FYB1: variants seen among roughly 807,000 people sequenced by gnomAD.
The protein encoded by FYB1 is FYN-binding protein 1.
In FYB1, 41 loss-of-function variants were observed where a neutral mutation model predicts 94.1. The observed-to-expected ratio is 0.44, with a 90% confidence interval of 0.34 to 0.57. FYB1 has a LOEUF of 0.57. Among genes scored for constraint, FYB1 ranks in the 20% least tolerant of loss-of-function variants. The pLI is 0.02. For synonymous variants in FYB1, 367 were observed against 353.2 expected (o/e 1.04, Z -0.44); for missense variants, 1,050 against 976.8 (o/e 1.07, Z -1.00).
intron 2 of FYB1, among the ~76,000 whole-genome samples, chr5:39,176,544 A>G (rs1336171630): frequency 6.6e-6 from 1 of 152,208 alleles, no homozygotes; most frequent in Non-Finnish European, 1.5e-5. Context: ...ATACTTTGAA[A>G]TAAAACAATG....
chr5:39,163,794 C>G (rs907790406), intron 2 of FYB1, among the ~76,000 whole-genome samples: 1 of 152,096 alleles, frequency 6.6e-6, no homozygotes, highest in East Asian at 1.9e-4. Flanking sequence ...TCATAGATTA[C>G]AGGGTGTCTC....
At chr5:39,260,831 G>A (rs192322691) in intron 1 of FYB1, among the ~76,000 whole-genome samples, 9 of 152,126 alleles carry the variant, frequency 5.9e-5, no homozygotes, top group Non-Finnish European at 1.3e-4. Flanking sequence ...AATGCGTGGG[G>A]ATTATACATC....
Position 39,171,685 on chromosome 5 carries a change from T to A in FYB1, c.1136-18081A>T, listed in dbSNP as rs558515743. Reference sequence around the variant, plus strand: ...GGTATATACTATCGTCACCTCCCATTCTTTTGTTTTGAAACACAACTTATT... The same window carrying A: ...GGTATATACTATCGTCACCTCCCATACTTTTGTTTTGAAACACAACTTATT... On this transcript the variant is annotated intron_variant, in intron 2 of 18. Coordinates refer to ENST00000512982, the MANE Select transcript of FYB1 (RefSeq NM_001465.6). Among the ~76,000 whole-genome samples, 17 of 152,330 alleles carry A rather than the reference T, an allele frequency of 1.1e-4. No individual in the cohort carries two copies. The South Asian group carries it at 2.5e-3, about 22-fold the overall frequency.
intron 3 of FYB1, among the ~76,000 whole-genome samples, chr5:39,145,943 C>T (rs192510502): frequency 3.3e-5 from 5 of 150,498 alleles, no homozygotes; most frequent in Admixed American, 6.6e-5. Flanking sequence ...GACAGAGTCT[C>T]ACTCTGTTGC....
chr5:39,120,220 T>C (rs1739962959), intron 14 of FYB1, among the ~76,000 whole-genome samples: 1 of 143,464 alleles, frequency 7.0e-6, no homozygotes, highest in South Asian at 2.1e-4. Context: ...CATCCCTTTA[T>C]CAATTGTGTG....
chr5:39,129,137 A>T (rs985710661), intron 10 of FYB1, among the ~76,000 whole-genome samples: 2 of 152,126 alleles, frequency 1.3e-5, no homozygotes, highest in East Asian at 3.8e-4. Context: ...CAGAAAACAG[A>T]ACCCAGAAAT....
In FYB1 at chr5:39,273,129, C is replaced by T. The variant is rs1035504884; in HGVS notation, c.-28+1274G>A. ...GAGCCCCTCTGCCCGGCCACCACCC[C>T]GTCTGGGAGGTGTACCCAACAGCTC... On this transcript the variant is annotated intron_variant, in intron 1 of 1. Coordinates refer to the FYB1 transcript ENST00000510188. Among the ~76,000 whole-genome samples the T allele has an allele frequency of 1.1e-4, 17 of 152,284 alleles. 1 individual carries two copies. Among genetic ancestry groups the T allele is most frequent in the African/African-American group, 2.9e-4 (12 of 41,554 alleles).
intron 1 of FYB1, among the ~76,000 whole-genome samples, chr5:39,204,108 C>T (rs553097502): frequency 6.6e-5 from 10 of 152,254 alleles, no homozygotes; most frequent in African/African-American, 2.4e-4. Context: ...CATACCCAGG[C>T]ACATTTCATC....
chr5:39,196,255 C>T (rs370498226), intron 2 of FYB1, among the ~76,000 whole-genome samples: 1 of 142,628 alleles, frequency 7.0e-6, no homozygotes, highest in Non-Finnish European at 1.5e-5. Flanking sequence ...GTCACCCAGG[C>T]TGGAGTGCAG....
chr5:39,109,313 A>C (rs549266285), intron 17 of FYB1, among the ~76,000 whole-genome samples: 2 of 152,172 alleles, frequency 1.3e-5, no homozygotes, highest in South Asian at 4.1e-4. Context: ...TTTATACAAT[A>C]AACATTTATT....
At chr5:39,119,700 A>G in intron 14 of FYB1, 66 bp from the exon 15 acceptor site, 1 of 1,365,322 alleles carries the variant, frequency 7.3e-7, no homozygotes, top group Middle Eastern at 1.9e-4. Context: ...AGTCCATAAC[A>G]GAGACGATTC....
chr5:39,148,269 A>T (rs1355723394), intron 3 of FYB1, among the ~76,000 whole-genome samples: 1 of 122,214 alleles, frequency 8.2e-6, no homozygotes, highest in African/African-American at 3.1e-5. Flanking sequence ...GATTCATGTG[A>T]TTGGCTCACC....
chr5:39,139,126 C>T, intron 5 of FYB1, 107 bp downstream of exon 5: 7 of 1,132,718 alleles, frequency 6.2e-6, no homozygotes, highest in Non-Finnish European at 7.3e-6. Context: ...TATCATTGCT[C>T]ATAAGGATTT....
chr5:39,162,152 T>C (rs1238886788), intron 2 of FYB1, among the ~76,000 whole-genome samples: 4 of 152,232 alleles, frequency 2.6e-5, no homozygotes. Context: ...AACGTTAATG[T>C]ATGTCTTCGT....
chr5:39,158,551 T>C (rs531580766), intron 2 of FYB1, among the ~76,000 whole-genome samples: 9 of 152,280 alleles, frequency 5.9e-5, no homozygotes, highest in African/African-American at 2.2e-4. Context: ...TCATGGGAAA[T>C]GGAAATTGTA....
rs34222014 is a variant in FYB1, at chr5:39,202,255, C to A, written c.706G>T (p.Gly236Cys). Reference protein sequence around the residue: ...PAPLGVRSKSGPLKPAREDSE... With the variant: ...PAPLGVRSKSCPLKPAREDSE... ...TCTTCCCTTGCTGGTTTTAAAGGGC[C>A]GCTTTTGGACCTGACTCCCAGGGGA... is the stretch of plus-strand genomic sequence containing the variant. The change falls in exon 2 of 19, where the codon GGC becomes TGC. Residue 236 changes from glycine (G) to cysteine (C), a missense_variant. Physicochemically the swap from Gly to Cys is radical, Grantham distance 159. Transcript: ENST00000512982. 6.2e-7 allele frequency: 1 copy of A among 1,613,750 alleles called. No homozygotes were observed. Among genetic ancestry groups the A allele is most frequent in the African/African-American group, 1.3e-5 (1 of 74,866 alleles).
intron 6 of FYB1, chr5:39,137,985 A>G (rs1481560177): frequency 2.2e-6 from 1 of 445,696 alleles, no homozygotes; most frequent in South Asian, 2.4e-5. Flanking sequence ...TAGAGGCCCC[A>G]TTCTTGCTGT....
At chr5:39,189,438 A>G (rs765829081) in intron 2 of FYB1, among the ~76,000 whole-genome samples, 34 of 152,062 alleles carry the variant, frequency 2.2e-4, no homozygotes, top group Non-Finnish European at 4.3e-4. Flanking sequence ...CAGAAAATAA[A>G]CCCACTTCCT....
At chr5:39,239,256 A>C (rs1430056068) in intron 1 of FYB1, among the ~76,000 whole-genome samples, 1 of 152,190 alleles carries the variant, frequency 6.6e-6, no homozygotes, top group East Asian at 1.9e-4. Context: ...CAGAACAAGA[A>C]AAGTATTTTC....
Sources: gnomAD v4.1 joint callset for allele counts (sites outside exome capture counted in the v4.1 genomes callset) on GRCh38, gnomAD v4.1.1 for gene constraint, MANE v1.5 for transcripts, NCBI Gene and HGNC (gene_info 2026-07-23, HGNC 2026-07-21) for gene names.